Variants in WIF1 observed in about 807,000 individuals in gnomAD.
WIF1 encodes the protein Wnt inhibitory factor 1.
Under a neutral mutation model 53.5 loss-of-function variants are expected in WIF1, and 35 were observed. The ratio of observed to expected loss-of-function variants is 0.65; its 90% confidence interval spans 0.50 to 0.87. The LOEUF (loss-of-function observed/expected upper bound fraction) is 0.87, where lower values mean the gene tolerates loss of function less well. WIF1 is among the 40% of genes least tolerant of loss of function. WIF1 has a pLI of 0.00. For synonymous variants in WIF1, 171 were observed against 170.4 expected (o/e 1.00, Z -0.03); for missense variants, 467 against 476.8 (o/e 0.98, Z 0.19).
intron 9 of WIF1, 135 bp downstream of exon 9, chr12:65,054,983 G>C: frequency 1.2e-6 from 1 of 815,522 alleles, no homozygotes; most frequent in Non-Finnish European, 1.9e-6. Flanking sequence ...TGGAAAGCAG[G>C]GCTGAGTTAT....
Position 65,056,070 on chromosome 12 carries a change from T to G in WIF1, c.883A>C (p.Lys295Gln). The change falls in exon 8 of 10, where the codon AAG becomes CAG. Residue 295 changes from lysine to glutamine, a missense_variant. Lys to Gln is a moderately conservative substitution (Grantham distance 53, BLOSUM62 1). Transcript: ENST00000286574. ...GGKCIGKSKCKCSKGYQGDLC... is the reference protein window; with the variant it reads ...GGKCIGKSKCQCSKGYQGDLC... The stretch of plus-strand genomic sequence containing the variant: ...TCTCCCTGGTAACCTTTGGAACACT[T>G]ACATTTGCTTTTACCAATGCATTTA... 1 of 1,614,130 alleles carries G rather than the reference T, an allele frequency of 6.2e-7. No individual in the cohort carries two copies. Among genetic ancestry groups the G allele is most frequent in the Non-Finnish European group, 8.5e-7 (1 of 1,179,992 alleles).
At chr12:65,091,652 G>C (rs1883125069) in intron 2 of WIF1, among the ~76,000 whole-genome samples, 1 of 152,090 alleles carries the variant, frequency 6.6e-6, no homozygotes, top group African/African-American at 2.4e-5. Flanking sequence ...AAGCAAGTTT[G>C]ATTTTCATAG....
intron 2 of WIF1, among the ~76,000 whole-genome samples, chr12:65,081,136 G>T: frequency 6.6e-6 from 1 of 151,444 alleles, no homozygotes; most frequent in Non-Finnish European, 1.5e-5. Context: ...TTTTTAAAAA[G>T]CATTAATCAT....
chr12:65,052,535 C>G lies in WIF1; in HGVS notation c.1019-1065G>C, dbSNP rs3782496. 9.8e-4 allele frequency among the ~76,000 whole-genome samples: 149 copies of G among 152,270 alleles called. 3 individuals are homozygous for G. The East Asian group carries it at 0.027, about 28-fold the overall frequency. ...TCCCTGGAACTCCCAACGTGTCATC[C>G]CACTGGGAGTATGTTCTTAGCAGAA... On this transcript the variant is annotated intron_variant, in intron 9 of 9. Transcript: ENST00000286574.
In WIF1 at chr12:65,050,639, G is replaced by A. The variant is rs1882424800; in HGVS notation, c.*710C>T. The A allele has an allele frequency of 5.6e-6, 1 of 177,024 alleles. No individual in the cohort carries two copies. Among genetic ancestry groups the A allele is most frequent in the Non-Finnish European group, 1.2e-5 (1 of 82,188 alleles). 11.0% of individuals were successfully genotyped at this position (177,024 alleles called of 1,614,324 possible). The stretch of plus-strand genomic sequence containing the variant: ...TCCACACAATGCTCAGAAAACTAAA[G>A]CAGCACCTTTATTTTATACATACAA... On this transcript the variant is annotated 3_prime_UTR_variant, in exon 10 of 10. Transcript: ENST00000286574.
chr12:65,119,285 T>C (rs1565763129), intron 2 of WIF1, among the ~76,000 whole-genome samples: 2 of 152,292 alleles, frequency 1.3e-5, no homozygotes, highest in Non-Finnish European at 2.9e-5. Context: ...GTATTAACAA[T>C]AGATGACTTT....
intron 2 of WIF1, among the ~76,000 whole-genome samples, chr12:65,112,314 A>G (rs931084760): frequency 6.6e-6 from 1 of 151,620 alleles, no homozygotes; most frequent in Non-Finnish European, 1.5e-5. Flanking sequence ...CTTTTATGTT[A>G]TGTTCAAAGT....
At chr12:65,090,973 T>G (rs1184736175) in intron 2 of WIF1, among the ~76,000 whole-genome samples, 1 of 152,060 alleles carries the variant, frequency 6.6e-6, no homozygotes, top group Admixed American at 6.6e-5. Context: ...TGTAATGCAT[T>G]GTGGGTATAG....
rs1205683621 is a variant in WIF1, at chr12:65,066,687, A to T, written c.684T>A (p.Gly228=). The T allele has an allele frequency of 1.9e-6, 3 of 1,611,092 alleles. No individual in the cohort carries two copies. In the African/African-American group the frequency reaches 4.0e-5, roughly 22 times the overall value. The change falls in exon 6 of 10, where the codon GGT becomes GGA. Residue 228 remains glycine (G), a synonymous_variant. Coordinates refer to ENST00000286574, the MANE Select transcript of WIF1 (RefSeq NM_007191.5). ...AGAATCCAGGTGGGCAGATGCAGAA[A>T]CCAGGAGTCACACAAAGTCCACCAT... ...CMNGGLCVTP[G]FCICPPGFYG... is the part of the protein sequence containing the mutation.
At chr12:65,063,303 T>A (rs1882641224) in intron 6 of WIF1, among the ~76,000 whole-genome samples, 1 of 152,150 alleles carries the variant, frequency 6.6e-6, no homozygotes, top group African/African-American at 2.4e-5. Flanking sequence ...GGAATTTCAC[T>A]GCTCACTAGC....
At chr12:65,118,921 C>T (rs945829470) in intron 2 of WIF1, among the ~76,000 whole-genome samples, 1 of 151,994 alleles carries the variant, frequency 6.6e-6, no homozygotes, top group Non-Finnish European at 1.5e-5. Context: ...GCACTTTCTG[C>T]TTTTCCTACA....
At chr12:65,114,940 A>G (rs1393093849) in intron 2 of WIF1, among the ~76,000 whole-genome samples, 1 of 152,162 alleles carries the variant, frequency 6.6e-6, no homozygotes, top group Non-Finnish European at 1.5e-5. Context: ...ATACATGATA[A>G]AAAGCACACT....
At chr12:65,077,615 T>A in intron 3 of WIF1, 131 bp downstream of exon 3, 1 of 648,422 alleles carries the variant, frequency 1.5e-6, no homozygotes, top group Non-Finnish European at 2.7e-6. Context: ...ACAGTCAAAC[T>A]GTCCTAAAAT....
chr12:65,090,235 CGAGGCTGG>C (rs1290409797), intron 2 of WIF1, among the ~76,000 whole-genome samples: 1 of 152,044 alleles, frequency 6.6e-6, no homozygotes, highest in Middle Eastern at 3.2e-3. Context: ...ACAATGGCCA[CGAGGCTGG>C]GGAGAATGTG....
intron 9 of WIF1, among the ~76,000 whole-genome samples, chr12:65,052,301 T>C (rs1398340864): frequency 6.6e-6 from 1 of 152,248 alleles, no homozygotes; most frequent in African/African-American, 2.4e-5. Flanking sequence ...AACAGAATAC[T>C]TTGTTCCTGA....
intron 6 of WIF1, among the ~76,000 whole-genome samples, chr12:65,064,139 C>G (rs1179830933): frequency 6.6e-6 from 1 of 152,232 alleles, no homozygotes; most frequent in Admixed American, 6.5e-5. Context: ...CCCTGGAAAA[C>G]TTTGGGATCA....
At chr12:65,084,499 A>C (rs1269212308) in intron 2 of WIF1, among the ~76,000 whole-genome samples, 3 of 152,316 alleles carry the variant, frequency 2.0e-5, no homozygotes, top group African/African-American at 7.2e-5. Flanking sequence ...ACTGACCTTC[A>C]ATAGGACTTA....
chr12:65,076,473 T>C (rs1882862534), intron 3 of WIF1, among the ~76,000 whole-genome samples: 1 of 152,196 alleles, frequency 6.6e-6, no homozygotes, highest in Non-Finnish European at 1.5e-5. Flanking sequence ...CAGAAAGTAA[T>C]TTGGCATTTT....
At chr12:65,095,785 C>T (rs1157972125) in intron 2 of WIF1, 7 of 152,196 alleles carry the variant, frequency 4.6e-5, no homozygotes, top group East Asian at 3.9e-4. Context: ...AAAATTGAAA[C>T]GATACAGAGA....
Sources: allele counts gnomAD v4.1 joint callset (sites outside exome capture counted in the v4.1 genomes callset), GRCh38; gene constraint gnomAD v4.1.1; transcripts MANE v1.5; gene names NCBI Gene and HGNC (gene_info 2026-07-23, HGNC 2026-07-21).